Variants in CLPB observed in about 807,000 individuals in gnomAD.
The protein encoded by CLPB is mitochondrial disaggregase.
A neutral mutation model predicts 78.4 loss-of-function variants in CLPB; 40 were observed. The ratio of observed to expected loss-of-function variants is 0.51; its 90% CI spans 0.40 to 0.66. The LOEUF (loss-of-function observed/expected upper bound fraction) is 0.66. Among genes scored for constraint, CLPB ranks in the 30% least tolerant of loss-of-function variants. CLPB has a pLI of 0.00. For missense variants in CLPB, 780 were observed against 886.9 expected (o/e 0.88, Z 1.53); for synonymous variants, 333 against 348.0 (o/e 0.96, Z 0.48).
At chr11:72,373,265 G>T (rs1203111202) in intron 4 of CLPB, among the ~76,000 whole-genome samples, 1 of 152,192 alleles carries the variant, frequency 6.6e-6, no homozygotes, top group East Asian at 1.9e-4. Context: ...GTACATATGA[G>T]AGGCACTCAA....
intron 4 of CLPB, among the ~76,000 whole-genome samples, chr11:72,363,769 GC>G (rs1018104514): frequency 5.3e-5 from 8 of 152,168 alleles, no homozygotes; most frequent in African/African-American, 1.9e-4. Context: ...TGGCTCCATG[GC>G]CTCTGCTCTA....
intron 2 of CLPB, among the ~76,000 whole-genome samples, chr11:72,413,308 C>CA (rs1259730889): frequency 5.3e-5 from 8 of 151,776 alleles, no homozygotes; most frequent in South Asian, 2.1e-4. Context: ...AAAACAAAGA[C>CA]AAAAAAACAA....
chr11:72,302,119 T>G, intron 10 of CLPB, 155 bp from the exon 11 acceptor site: 2 of 985,616 alleles, frequency 2.0e-6, no homozygotes, highest in Non-Finnish European at 3.0e-6. Context: ...AGATAGATCT[T>G]CTCTATGTTT....
At chr11:72,299,993 C>T (rs887973840) in intron 11 of CLPB, among the ~76,000 whole-genome samples, 1 of 152,128 alleles carries the variant, frequency 6.6e-6, no homozygotes, top group African/African-American at 2.4e-5. Context: ...TCCAGGGAGA[C>T]CAGAGATCAA....
At chr11:72,347,298 T>C (rs1950534211) in intron 5 of CLPB, among the ~76,000 whole-genome samples, 1 of 152,070 alleles carries the variant, frequency 6.6e-6, no homozygotes, top group Non-Finnish European at 1.5e-5. Context: ...CTCTACAAAA[T>C]TATTTTTTTA....
intron 4 of CLPB, among the ~76,000 whole-genome samples, chr11:72,379,540 CT>C (rs1854836266): frequency 2.0e-5 from 3 of 152,190 alleles, no homozygotes; most frequent in African/African-American, 7.2e-5. Flanking sequence ...TGATCGAGCC[CT>C]AGTGCAAACC....
intron 1 of CLPB, 124 bp from the exon 2 acceptor site, chr11:72,430,487 G>A (rs998113973): frequency 2.8e-6 from 2 of 723,890 alleles, no homozygotes; most frequent in Admixed American, 2.7e-5. Context: ...GCAAACTGAT[G>A]TCACAATATA....
chr11:72,369,761 G>A (rs1951008803), intron 4 of CLPB, among the ~76,000 whole-genome samples: 3 of 152,058 alleles, frequency 2.0e-5, no homozygotes, highest in Admixed American at 2.0e-4. Context: ...CTTTTATATA[G>A]TCTGTGTGTG....
chr11:72,320,924 G>T (rs1481887085), intron 6 of CLPB, among the ~76,000 whole-genome samples: 2 of 152,094 alleles, frequency 1.3e-5, no homozygotes, highest in Admixed American at 1.3e-4. Context: ...TGTTGGCCAG[G>T]CTGGTCTTGA....
Position 72,286,825 on chromosome 11 carries a change from G to T in CLPB, c.*6542C>A, listed in dbSNP as rs1179041119. 1 of 146,848 alleles carries T rather than the reference G, an allele frequency of 6.8e-6. No individual in the cohort carries two copies. 9.1% of individuals were successfully genotyped at this position (146,848 alleles called of 1,614,324 possible). Reference sequence around the variant, plus strand: ...CGTGTGTGTGTGTGTGTGTGTGTGTGTGTGTGTAGTTATCTGAAATACTGG... The same window carrying T: ...CGTGTGTGTGTGTGTGTGTGTGTGTTTGTGTGTAGTTATCTGAAATACTGG... On this transcript the variant is annotated 3_prime_UTR_variant, in exon 16 of 16. Coordinates refer to ENST00000538039, the MANE Select transcript of CLPB (RefSeq NM_001258392.3).
chr11:72,390,006 TA>T lies in CLPB; in HGVS notation c.543-9623del, dbSNP rs1189871224. Among the ~76,000 whole-genome samples, 8 of 152,360 alleles carry T rather than the reference TA, an allele frequency of 5.3e-5. No individual in the cohort carries two copies. The East Asian group carries it at 1.5e-3, about 29-fold the overall frequency. ...TCTCCAGATACCCTATTACCCTTAC[TA>T]ATTTGGGGAAGCAGAGAATGTCTAT... On this transcript the variant is annotated intron_variant, in intron 3 of 15. Transcript: ENST00000538039.
At chr11:72,407,833 G>C (rs1232165366) in intron 2 of CLPB, among the ~76,000 whole-genome samples, 1 of 152,108 alleles carries the variant, frequency 6.6e-6, no homozygotes, top group African/African-American at 2.4e-5. Context: ...TTTTTTAGCA[G>C]AGACGGGGTT....
chr11:72,358,801 T>TGG, intron 5 of CLPB, 79 bp downstream of exon 5: 9 of 102,144 alleles, frequency 8.8e-5, no homozygotes, highest in East Asian at 2.6e-4. Context: ...CCAAGCCCCA[T>TGG]CCCACCCCTC....
chr11:72,362,014 C>T (rs1330509470), intron 4 of CLPB, among the ~76,000 whole-genome samples: 1 of 152,214 alleles, frequency 6.6e-6, no homozygotes, highest in African/African-American at 2.4e-5. Context: ...GGTGTCATAG[C>T]CCAACTAATA....
chr11:72,304,667 T>C (rs1250113833), intron 9 of CLPB, among the ~76,000 whole-genome samples: 1 of 152,206 alleles, frequency 6.6e-6, no homozygotes, highest in African/African-American at 2.4e-5. Context: ...GTACAAAGAA[T>C]GCTTCTGAAG....
chr11:72,370,916 C>A (rs982444616), intron 4 of CLPB, among the ~76,000 whole-genome samples: 2 of 152,188 alleles, frequency 1.3e-5, no homozygotes, highest in Non-Finnish European at 2.9e-5. Context: ...AGGATAAAGT[C>A]CAAGAGTCTT....
At chr11:72,297,700 T>TGTGTGA (rs1294715631) in intron 11 of CLPB, among the ~76,000 whole-genome samples, 12 of 121,964 alleles carry the variant, frequency 9.8e-5, no homozygotes, top group Non-Finnish European at 1.3e-4. Flanking sequence ...TGTGTGTGTG[T>TGTGTGA]GTGACATGTC....
chr11:72,398,732 G>A (rs117515611), intron 3 of CLPB, among the ~76,000 whole-genome samples: 2 of 152,342 alleles, frequency 1.3e-5, no homozygotes, highest in Non-Finnish European at 2.9e-5. Flanking sequence ...CAAGTGCCTT[G>A]TGGCATGAGG....
At chr11:72,313,370 T>A (rs1318093006) in intron 7 of CLPB, among the ~76,000 whole-genome samples, 2 of 152,226 alleles carry the variant, frequency 1.3e-5, no homozygotes, top group African/African-American at 4.8e-5. Context: ...TAAGGATTAT[T>A]CTTTCTGCAG....
Sources: allele counts gnomAD v4.1 joint callset (sites outside exome capture counted in the v4.1 genomes callset), GRCh38; gene constraint gnomAD v4.1.1; transcripts MANE v1.5; gene names NCBI Gene and HGNC (gene_info 2026-07-23, HGNC 2026-07-21).